Variants in MOCS2 observed in about 807,000 individuals in gnomAD.
MOCS2 encodes the protein molybdopterin synthase catalytic subunit.
MOCS2 carries 13 observed loss-of-function variants against 21.9 expected under a neutral mutation model. The observed-to-expected ratio is 0.59, with a 90% CI of 0.39 to 0.94. The LOEUF (loss-of-function observed/expected upper bound fraction) is 0.94. Ranked by LOEUF, MOCS2 falls within the 40% of genes least tolerant of loss-of-function variation. The probability of loss-of-function intolerance (pLI) is 0.00; values close to 1 mark genes in which losing one functional copy is unlikely to be tolerated. For missense variants in MOCS2, 227 were observed against 218.3 expected, an observed-to-expected ratio of 1.04 and a Z score of -0.25; for synonymous variants, 92 against 80.8, an observed-to-expected ratio of 1.14 and a Z score of -0.74.
At position 53,098,612 on chromosome 5, in the gene MOCS2, G is replaced by C; in HGVS notation, c.557C>G (p.Ser186Cys). ...WKGNKECFWA[S>C]NS ...TAAAAACATAAGTGATTAACTGTTGGATGCCCAAAAGCACTCTTTGTTTCC... is the reference window on the plus strand; with the variant it reads ...TAAAAACATAAGTGATTAACTGTTGCATGCCCAAAAGCACTCTTTGTTTCC... The change falls in exon 7 of 7, where the codon TCC (serine) becomes TGC (cysteine). Residue 186 changes from serine to cysteine, a missense_variant. Transcript: ENST00000396954. 2 of 1,613,564 alleles carry C rather than the reference G, an allele frequency of 1.2e-6. No homozygotes were observed. The highest frequency in any genetic ancestry group is 1.7e-6 in the Non-Finnish European group (2 of 1,179,600).
At chr5:53,098,842 T>C in intron 6 of MOCS2, 175 bp from the exon 7 acceptor site, 1 of 616,658 alleles carries the variant, frequency 1.6e-6, no homozygotes, top group East Asian at 2.8e-5. Flanking sequence ...CAGAAAGTCT[T>C]TAGTTTTAAA....
At position 53,100,501 on chromosome 5, in the gene MOCS2, A is replaced by C. The variant is rs372386541; in HGVS notation, c.411T>G (p.Ile137Met). 25 of 1,613,686 alleles carry C rather than the reference A, an allele frequency of 1.5e-5. No homozygotes were observed. The African/African-American group carries it at 2.3e-4, about 15-fold the overall frequency. Residue 137 changes from isoleucine (I) to methionine (M), a missense_variant, in exon 6 of 7, where the codon ATT becomes ATG. By Grantham distance (10) the Ile-to-Met change is conservative. Transcript: ENST00000396954. Reference protein sequence around the residue: ...LVPVSEASIIIAVSSAHRAAS... With the variant: ...LVPVSEASIIMAVSSAHRAAS... ...CAGCTCTGTGGGCTGAGGACACAGC[A>C]ATGATTATGCTTGCTTCTGACACTG...
chr5:53,101,767 C>T (rs1180775610), intron 4 of MOCS2, among the ~76,000 whole-genome samples: 5 of 152,148 alleles, frequency 3.3e-5, no homozygotes, highest in Non-Finnish European at 7.3e-5. Flanking sequence ...GGGCAATATT[C>T]CTCTTCTGAC....
intron 3 of MOCS2, among the ~76,000 whole-genome samples, chr5:53,103,858 G>T (rs79654024): frequency 0.14 from 21,347 of 152,192 alleles, 1,597 homozygotes; most frequent in Middle Eastern, 0.19. Context: ...AGAAACCAGG[G>T]CACAGGCCCC....
intron 3 of MOCS2, 138 bp from the exon 4 acceptor site, chr5:53,102,362 T>C (rs1740937730): frequency 2.4e-6 from 2 of 849,966 alleles, no homozygotes; most frequent in Non-Finnish European, 3.6e-6. Flanking sequence ...AAATATAGTT[T>C]ACATGAGTCA....
At position 53,101,358 on chromosome 5, in the gene MOCS2, C is replaced by A. The variant is rs1389817466; in HGVS notation, c.377+1G>T. ...TTTTAGAGTGATAAAGGAAATCATACCCAAGTCTATGGAACACTGCTATGT... is the reference window on the plus strand; with the variant it reads ...TTTTAGAGTGATAAAGGAAATCATAACCAAGTCTATGGAACACTGCTATGT... On this transcript the variant is annotated splice_donor_variant, in intron 5 of 6. Transcript: ENST00000396954. LOFTEE classifies it high-confidence loss of function. 1.2e-6 allele frequency: 2 copies of A among 1,613,510 alleles called. No homozygotes were observed. Among genetic ancestry groups the A allele is most frequent in the Non-Finnish European group, 1.7e-6 (2 of 1,179,772 alleles).
intron 2 of MOCS2, 134 bp downstream of exon 2, chr5:53,108,388 C>G (rs1404630769): frequency 2.3e-6 from 2 of 872,756 alleles, no homozygotes; most frequent in Non-Finnish European, 3.5e-6. Context: ...TTCAGGTGTT[C>G]CAAAAAAAAT....
At chr5:53,106,289 G>C (rs552402233) in intron 3 of MOCS2, among the ~76,000 whole-genome samples, 48 of 152,244 alleles carry the variant, frequency 3.2e-4, no homozygotes, top group Middle Eastern at 3.4e-3. Context: ...CAAAGACATG[G>C]AATCAACCTA....
chr5:53,109,690 C>G lies in MOCS2; in HGVS notation c.-609G>C, dbSNP rs747604461. ...GAGGAGGGCTCCGCACCCAGGCCCG[C>G]ACGCACACCCGCCACCCTTACCTGG... On this transcript the variant is annotated 5_prime_UTR_variant, in exon 1 of 7. Coordinates refer to ENST00000396954, the MANE Select transcript of MOCS2 (RefSeq NM_004531.5). 1 of 1,552,384 alleles carries G rather than the reference C, an allele frequency of 6.4e-7. No individual in the cohort carries two copies.
At position 53,095,771 on chromosome 5, in the gene MOCS2, A is replaced by T. The variant is rs1740711562; in HGVS notation, c.*2831T>A. 6.6e-6 allele frequency: 1 copy of T among 152,328 alleles called. No homozygotes were observed. The highest frequency in any genetic ancestry group is 1.9e-4 in the East Asian group (1 of 5,186). The allele number at this position is 152,328 out of a possible 1,614,324, so 9.4% of individuals were successfully genotyped here. A position where few individuals can be genotyped will look rare whatever the true frequency, so the allele number is the denominator to read the frequency against. Reference sequence around the variant, plus strand: ...GGTTAGGAAGACCTGTATTAAAGCAATCATTTATATCCCATAGTTAACTGG... The same window carrying T: ...GGTTAGGAAGACCTGTATTAAAGCATTCATTTATATCCCATAGTTAACTGG... On this transcript the variant is annotated 3_prime_UTR_variant, in exon 7 of 7. Coordinates refer to ENST00000396954, the MANE Select transcript of MOCS2 (RefSeq NM_004531.5).
rs2233218 is a variant in MOCS2, at chr5:53,101,369, G to A, written c.367C>T (p.His123Tyr). ...KWPVKHIAVF[H>Y]RLGLVPVSEA... is the part of the protein sequence containing the mutation. The stretch of plus-strand genomic sequence containing the variant: ...TAAAGGAAATCATACCCAAGTCTAT[G>A]GAACACTGCTATGTGTTTGACTGGC... The change falls in exon 5 of 7, where the codon CAT becomes TAT. Residue 123 changes from histidine to tyrosine, a missense_variant. Transcript: ENST00000396954. 5.3e-3 allele frequency: 8,633 copies of A among 1,613,744 alleles called. 28 individuals carry two copies. Among genetic ancestry groups the A allele is most frequent in the Non-Finnish European group, 6.6e-3 (7,783 of 1,179,820 alleles).
At chr5:53,104,668 C>T (rs532290947) in intron 3 of MOCS2, among the ~76,000 whole-genome samples, 1 of 152,188 alleles carries the variant, frequency 6.6e-6, no homozygotes, top group African/African-American at 2.4e-5. Context: ...ATCTGTTTTA[C>T]AGATTGATTC....
In MOCS2 at chr5:53,097,341, C is replaced by G. The variant is rs1228354345; in HGVS notation, c.*1261G>C. 2 of 152,158 alleles carry G rather than the reference C, an allele frequency of 1.3e-5. No homozygotes were observed. The highest frequency in any genetic ancestry group is 2.9e-5 in the Non-Finnish European group (2 of 68,036). 9.4% of individuals were successfully genotyped at this position (152,158 alleles called of 1,614,324 possible). Reference sequence around the variant, plus strand: ...CAGAAAAAGATCACTGGGTGGGTGCCTGGCACAAAACAGGCATTCAATAAA... The same window carrying G: ...CAGAAAAAGATCACTGGGTGGGTGCGTGGCACAAAACAGGCATTCAATAAA... On this transcript the variant is annotated 3_prime_UTR_variant, in exon 7 of 7. Coordinates refer to ENST00000396954, the MANE Select transcript of MOCS2 (RefSeq NM_004531.5).
chr5:53,108,498 T>C (rs369347178), intron 2 of MOCS2, 24 bp downstream of exon 2: 5 of 1,602,116 alleles, frequency 3.1e-6, no homozygotes, highest in South Asian at 2.2e-5. Flanking sequence ...GTTACTCATA[T>C]GCATTCTACA....
intron 2 of MOCS2, chr5:53,107,740 T>C (rs1321894873): frequency 6.5e-6 from 1 of 153,432 alleles, no homozygotes; most frequent in Non-Finnish European, 1.5e-5. Context: ...TGGTAAGCTT[T>C]CTTTTCAGGC....
At position 53,107,098 on chromosome 5, in the gene MOCS2, T is replaced by C; in HGVS notation, c.77A>G (p.Asp26Gly). 1 of 1,614,092 alleles carries C rather than the reference T, an allele frequency of 6.2e-7. No homozygotes were observed. The highest frequency in any genetic ancestry group is 8.5e-7 in the Non-Finnish European group (1 of 1,179,998). Residue 26 changes from aspartate (D) to glycine (G), a missense_variant, in exon 3 of 7, where the codon GAT (aspartate) becomes GGT (glycine). Coordinates refer to ENST00000396954, the MANE Select transcript of MOCS2 (RefSeq NM_004531.5). The part of the protein sequence containing the change: ...KLPLSPPLVE[D>G]SAFEPSRKDM... Reference sequence around the variant, plus strand: ...ATACCTAGATGGCTCAAAAGCACTATCCTCCACTAATGGGGGGGATAACGG... The same window carrying C: ...ATACCTAGATGGCTCAAAAGCACTACCCTCCACTAATGGGGGGGATAACGG...
At position 53,108,457 on chromosome 5, in the gene MOCS2, T is replaced by G. The variant is rs3846488; in HGVS notation, c.-48+65A>C. The G allele has an allele frequency of 0.13, 188,991 of 1,443,014 alleles. 12,836 individuals carry two copies. The highest frequency in any genetic ancestry group is 0.19 in the Middle Eastern group (1,078 of 5,748). 89.4% of individuals were successfully genotyped at this position (1,443,014 alleles called of 1,614,324 possible). ...AAATCGAAATTAACCTTTTTACTTT[T>G]ATCATTTATGTATTTTGAAAATATC... On this transcript the variant is annotated intron_variant, in intron 2 of 6. Transcript: ENST00000396954.
In MOCS2 at chr5:53,098,398, C is replaced by T; in HGVS notation, c.*204G>A. Reference sequence around the variant, plus strand: ...AAATTATTCCATTTCTTCCTACAGTCCTCCTTCTATCTTTAGTTCCATTTT... The same window carrying T: ...AAATTATTCCATTTCTTCCTACAGTTCTCCTTCTATCTTTAGTTCCATTTT... On this transcript the variant is annotated 3_prime_UTR_variant, in exon 7 of 7. Coordinates refer to ENST00000396954, the MANE Select transcript of MOCS2 (RefSeq NM_004531.5). The T allele has an allele frequency of 1.7e-6, 1 of 597,830 alleles. No homozygotes were observed. The highest frequency in any genetic ancestry group is 2.0e-5 in the South Asian group (1 of 48,914). 37.0% of individuals were successfully genotyped at this position (597,830 alleles called of 1,614,324 possible).
chr5:53,101,161 C>G (rs948009670), intron 5 of MOCS2, 198 bp downstream of exon 5: 5 of 631,590 alleles, frequency 7.9e-6, no homozygotes, highest in Non-Finnish European at 1.4e-5. Flanking sequence ...ACAGAGGCAA[C>G]AAGAGCTCTC....
Sources: allele counts gnomAD v4.1 joint callset (sites outside exome capture counted in the v4.1 genomes callset), GRCh38; gene constraint gnomAD v4.1.1; transcripts MANE v1.5; gene names NCBI Gene and HGNC (gene_info 2026-07-23, HGNC 2026-07-21).